Variants in SLC24A2 observed in about 807,000 individuals in gnomAD.
SLC24A2 encodes sodium/potassium/calcium exchanger 2.
Under a neutral mutation model 62.0 loss-of-function variants are expected in SLC24A2, and 36 were observed. The observed-to-expected ratio is 0.58, with a 90% confidence interval of 0.44 to 0.77. The LOEUF (loss-of-function observed/expected upper bound fraction) is 0.77, where lower values mean the gene tolerates loss of function less well. Among genes scored for constraint, SLC24A2 ranks in the 30% least tolerant of loss-of-function variants. The pLI is 0.00. For missense variants in SLC24A2, 846 were observed against 817.9 expected, an observed-to-expected ratio of 1.03 and a Z score of -0.42; for synonymous variants, 358 against 294.0, an observed-to-expected ratio of 1.22 and a Z score of -2.23.
chr9:20,014,805 T>C, the SLC24A2 span, among the ~76,000 whole-genome samples: 1 of 152,124 alleles, frequency 6.6e-6, no homozygotes, highest in Non-Finnish European at 1.5e-5. Context: ...GAATAGCTTT[T>C]GAGATCTATT....
chr9:19,993,781 C>T, the SLC24A2 span, among the ~76,000 whole-genome samples: 3,540 of 152,186 alleles, frequency 0.023, 143 homozygotes, highest in African/African-American at 0.08. Context: ...ATGTTAGTCC[C>T]TCGAGAATAT....
the SLC24A2 span, among the ~76,000 whole-genome samples, chr9:20,275,155 G>T: frequency 6.6e-6 from 1 of 152,190 alleles, no homozygotes; most frequent in Admixed American, 6.5e-5. Flanking sequence ...GTTCTCAGCA[G>T]TGGGGCCTGA....
At chr9:20,037,170 T>C in the SLC24A2 span, among the ~76,000 whole-genome samples, 5 of 150,002 alleles carry the variant, frequency 3.3e-5, no homozygotes, top group Non-Finnish European at 7.5e-5. Flanking sequence ...AGTGCTGGGA[T>C]TACAGGCGTG....
intron 5 of SLC24A2, among the ~76,000 whole-genome samples, chr9:19,588,947 T>TG (rs1836461640): frequency 6.6e-6 from 1 of 152,076 alleles, no homozygotes; most frequent in South Asian, 2.1e-4. Context: ...GGTGACAGAG[T>TG]GAGACTCTGT....
chr9:19,585,967 C>T (rs768712480), intron 5 of SLC24A2, among the ~76,000 whole-genome samples: 11 of 152,170 alleles, frequency 7.2e-5, no homozygotes, highest in Non-Finnish European at 1.3e-4. Flanking sequence ...GAAATATGAA[C>T]GTGCTTTTGT....
At chr9:19,915,473 C>T in the SLC24A2 span, among the ~76,000 whole-genome samples, 14 of 152,122 alleles carry the variant, frequency 9.2e-5, no homozygotes, top group East Asian at 3.9e-4. Flanking sequence ...TAGGGTCATA[C>T]GGCAAATCTT....
At chr9:20,283,040 T>C in the SLC24A2 span, among the ~76,000 whole-genome samples, 2 of 152,132 alleles carry the variant, frequency 1.3e-5, no homozygotes, top group Middle Eastern at 3.2e-3. Context: ...TTCCCTCCCA[T>C]CTCCCAGATA....
chr9:20,016,445 C>A, the SLC24A2 span, among the ~76,000 whole-genome samples: 1 of 152,110 alleles, frequency 6.6e-6, no homozygotes, highest in Non-Finnish European at 1.5e-5. Context: ...TATATTGACT[C>A]CTAAGTGATT....
the SLC24A2 span, among the ~76,000 whole-genome samples, chr9:19,891,320 G>A: frequency 1.3e-5 from 2 of 152,200 alleles, no homozygotes; most frequent in African/African-American, 4.8e-5. Flanking sequence ...CTATTGTAAT[G>A]AGAATTAAAT....
chr9:19,849,681 A>G, the SLC24A2 span, among the ~76,000 whole-genome samples: 17 of 152,326 alleles, frequency 1.1e-4, no homozygotes, highest in African/African-American at 3.8e-4. Flanking sequence ...AAATGCGTCT[A>G]TTTTTTATGC....
the SLC24A2 span, among the ~76,000 whole-genome samples, chr9:19,812,045 T>C: frequency 6.6e-6 from 1 of 152,190 alleles, no homozygotes; most frequent in Non-Finnish European, 1.5e-5. Context: ...TATACAGTTT[T>C]AGACTAAATG....
the SLC24A2 span, among the ~76,000 whole-genome samples, chr9:20,142,000 T>A: frequency 1.2e-4 from 18 of 152,062 alleles, no homozygotes; most frequent in African/African-American, 4.1e-4. Context: ...GGAGAACTAT[T>A]GGAACCTGGG....
intron 2 of SLC24A2, among the ~76,000 whole-genome samples, chr9:19,710,899 GA>G (rs1820696661): frequency 6.6e-6 from 1 of 152,182 alleles, no homozygotes; most frequent in East Asian, 1.9e-4. Flanking sequence ...GACTATACAT[GA>G]AATGAGATTG....
At chr9:19,823,622 A>G in the SLC24A2 span, among the ~76,000 whole-genome samples, 1 of 128,304 alleles carries the variant, frequency 7.8e-6, no homozygotes, top group Non-Finnish European at 1.7e-5. Context: ...AGCAAGACTC[A>G]GTCTCAAAAA....
chr9:20,098,812 G>A, the SLC24A2 span, among the ~76,000 whole-genome samples: 1 of 152,068 alleles, frequency 6.6e-6, no homozygotes, highest in Non-Finnish European at 1.5e-5. Context: ...GCTCCTTTAG[G>A]GAAAAATCTC....
chr9:19,895,544 TTC>T, the SLC24A2 span, among the ~76,000 whole-genome samples: 4 of 88,558 alleles, frequency 4.5e-5, no homozygotes, highest in Non-Finnish European at 1.3e-4. Flanking sequence ...CTTTCTTTCT[TTC>T]TTTTTTTTTT....
At chr9:19,958,053 C>G in the SLC24A2 span, 2 of 152,436 alleles carry the variant, frequency 1.3e-5, no homozygotes, top group Non-Finnish European at 2.9e-5. Context: ...GGGGGACACA[C>G]AGTCCCCTCT....
chr9:19,938,373 T>G, the SLC24A2 span, among the ~76,000 whole-genome samples: 16 of 152,146 alleles, frequency 1.1e-4, no homozygotes, highest in Non-Finnish European at 1.9e-4. Flanking sequence ...TGGATAGACA[T>G]TTTTTACAGC....
the SLC24A2 span, among the ~76,000 whole-genome samples, chr9:19,952,370 A>C: frequency 6.6e-6 from 1 of 151,986 alleles, no homozygotes; most frequent in Non-Finnish European, 1.5e-5. Flanking sequence ...GATATCCTTC[A>C]ATTTTTCTAG....
Sources: allele counts gnomAD v4.1 joint callset (sites outside exome capture counted in the v4.1 genomes callset), GRCh38; gene constraint gnomAD v4.1.1; transcripts MANE v1.5; gene names NCBI Gene and HGNC (gene_info 2026-07-23, HGNC 2026-07-21).